The following ECPAS variants were observed in gnomAD, a reference collection of about 807,000 sequenced individuals.
The protein encoded by ECPAS is Ecm29 proteasome adaptor and scaffold.
ECPAS carries 70 observed loss-of-function variants against 255.1 expected under a neutral mutation model. The observed-to-expected ratio is 0.27, with a 90% CI of 0.23 to 0.33. The LOEUF (loss-of-function observed/expected upper bound fraction) is 0.33. Ranked by LOEUF, ECPAS falls within the 10% of genes least tolerant of loss-of-function variation. The pLI, the probability that ECPAS is intolerant of heterozygous loss-of-function variation, is 1.00. For missense variants in ECPAS, 1,817 were observed against 2,206.4 expected, an observed-to-expected ratio of 0.82 and a Z score of 3.54; for synonymous variants, 784 against 775.0, an observed-to-expected ratio of 1.01 and a Z score of -0.19.
rs559589768 is a variant in ECPAS, at chr9:111,447,177, T to G, written c.154-2683A>C. Among the ~76,000 whole-genome samples the G allele has an allele frequency of 7.2e-5, 11 of 151,940 alleles. No individual in the cohort carries two copies. The South Asian group carries it at 2.1e-3, about 29-fold the overall frequency. ...TCTCACTCTGTCACTCAGGGTGGAG[T>G]TCAGTGGCATTATCATAGCCAACTG... On this transcript the variant is annotated intron_variant, in intron 3 of 49. Coordinates refer to ENST00000684092, the MANE Select transcript of ECPAS (RefSeq NM_001364929.1).
intron 42 of ECPAS, 85 bp from the exon 43 acceptor site, chr9:111,371,914 C>A: frequency 9.3e-7 from 1 of 1,076,042 alleles, no homozygotes; most frequent in Non-Finnish European, 1.4e-6. Context: ...CAGTGACCAA[C>A]AGTCTAAAAG....
chr9:111,425,890 T>G lies in ECPAS; in HGVS notation c.1051-62A>C, dbSNP rs184712841. 1.4e-4 allele frequency: 117 copies of G among 822,728 alleles called. No individual in the cohort carries two copies. In the Middle Eastern group the frequency reaches 3.6e-3, roughly 25 times the overall value. 51.0% of individuals were successfully genotyped at this position (822,728 alleles called of 1,614,324 possible). A position where few individuals can be genotyped will look rare whatever the true frequency, so the allele number is the denominator to read the frequency against. On this transcript the variant is annotated intron_variant, in intron 10 of 49. Coordinates refer to ENST00000684092, the MANE Select transcript of ECPAS (RefSeq NM_001364929.1). The stretch of plus-strand genomic sequence containing the variant: ...AAAATAAGAATTTAATATTTTTGAA[T>G]AGTAATCAGAATTCAGCAGCAGACC...
chr9:111,422,338 A>C, intron 13 of ECPAS, 138 bp from the exon 14 acceptor site: 1 of 774,956 alleles, frequency 1.3e-6, no homozygotes, highest in Non-Finnish European at 2.1e-6. Flanking sequence ...AGAGCCAAAA[A>C]TTTTTCCAAG....
In ECPAS at chr9:111,451,565, A is replaced by T; in HGVS notation, c.23-10T>A. 6.5e-7 allele frequency: 1 copy of T among 1,528,018 alleles called. No individual in the cohort carries two copies. The highest frequency in any genetic ancestry group is 8.7e-7 in the Non-Finnish European group (1 of 1,144,608). The allele number at this position is 1,528,018 out of a possible 1,614,324, so 94.7% of individuals were successfully genotyped here. The stretch of plus-strand genomic sequence containing the variant: ...ACCCGTTCAAGCTGATCTATAATAT[A>T]AAAAGAAAAAAAGAGAGAACTTAGC... On this transcript the variant is annotated splice_polypyrimidine_tract_variant and intron_variant, in intron 2 of 49. Transcript: ENST00000684092.
intron 1 of ECPAS, chr9:111,483,851 G>C (rs2098310973): frequency 2.7e-6 from 1 of 364,830 alleles, no homozygotes; most frequent in Non-Finnish European, 3.8e-6. Context: ...GCGGCTCTGC[G>C]ACTCCGCGCC....
chr9:111,429,416 G>A (rs1279808683), intron 9 of ECPAS, among the ~76,000 whole-genome samples: 1 of 152,070 alleles, frequency 6.6e-6, no homozygotes, highest in African/African-American at 2.4e-5. Context: ...AAAAGAAAAG[G>A]CCTTCACAGA....
At chr9:111,367,235 CA>C (rs1358423710) in intron 46 of ECPAS, among the ~76,000 whole-genome samples, 2 of 152,076 alleles carry the variant, frequency 1.3e-5, no homozygotes, top group Admixed American at 6.6e-5. Flanking sequence ...AGGGCTCAAA[CA>C]AATGTAAAAA....
intron 15 of ECPAS, 101 bp from the exon 16 acceptor site, chr9:111,420,221 T>G: frequency 1.4e-6 from 1 of 696,654 alleles, no homozygotes; most frequent in Non-Finnish European, 2.5e-6. Flanking sequence ...TCTTCCTAAC[T>G]GTAAACAATT....
chr9:111,363,801 C>T lies in ECPAS; in HGVS notation c.5309-142G>A, dbSNP rs1205594297. 5 of 568,878 alleles carry T rather than the reference C, an allele frequency of 8.8e-6. No individual in the cohort carries two copies. In the Admixed American group the frequency reaches 1.8e-4, roughly 21 times the overall value. 35.2% of individuals were successfully genotyped at this position (568,878 alleles called of 1,614,324 possible). On this transcript the variant is annotated intron_variant, in intron 48 of 49. Transcript: ENST00000684092. ...TCTGATTTTTTTTTTTTAAAGGAAG[C>T]TTCCCTTTGCTAAGTATCAAATACT...
Position 111,468,665 on chromosome 9 carries a change from G to T in ECPAS, c.22+4232C>A, listed in dbSNP as rs141039393. 6.2e-3 allele frequency among the ~76,000 whole-genome samples: 842 copies of T among 136,666 alleles called. 4 individuals are homozygous for T. Among genetic ancestry groups the T allele is most frequent in the Middle Eastern group, 0.023 (6 of 264 alleles). 89.7% of individuals were successfully genotyped at this position (136,666 alleles called of 152,430 possible). On this transcript the variant is annotated intron_variant, in intron 2 of 49. Transcript: ENST00000684092. The stretch of plus-strand genomic sequence containing the variant: ...AGAGAGAGAGAGAGCGAGCGTGTGT[G>T]TGTGTTTCATGTCCAAGCTCAAACG...
chr9:111,362,032 A>ATTCCAGATT lies in ECPAS; in HGVS notation c.5509_5517dup (p.Asn1837_Glu1839dup), dbSNP rs1410772258. ...TGTTTGTTTCTTCCCCTTCTAATTT[A>ATTCCAGATT]TTCCAGATTTTCAAGTGTTTTCTTC... On this transcript the variant is annotated inframe_insertion, in exon 50 of 50. Coordinates refer to ENST00000684092, the MANE Select transcript of ECPAS (RefSeq NM_001364929.1). The ATTCCAGATT allele has an allele frequency of 6.2e-7, 1 of 1,611,982 alleles. No homozygotes were observed.
intron 39 of ECPAS, among the ~76,000 whole-genome samples, chr9:111,373,739 T>C (rs924952007): frequency 6.6e-6 from 1 of 152,194 alleles, no homozygotes; most frequent in Non-Finnish European, 1.5e-5. Context: ...TACTTTTACC[T>C]CCTTATACCA....
chr9:111,417,691 A>T (rs1589167868), intron 17 of ECPAS, among the ~76,000 whole-genome samples, 192 bp downstream of exon 17: 2 of 152,022 alleles, frequency 1.3e-5, no homozygotes, highest in South Asian at 4.1e-4. Context: ...GTTTGCAGTG[A>T]GCCAAGACCG....
At position 111,385,450 on chromosome 9, in the gene ECPAS, T is replaced by A; in HGVS notation, c.3528-8A>T. The A allele has an allele frequency of 7.0e-7, 1 of 1,438,708 alleles. No homozygotes were observed. The highest frequency in any genetic ancestry group is 9.5e-7 in the Non-Finnish European group (1 of 1,047,994). The allele number at this position is 1,438,708 out of a possible 1,614,324, so 89.1% of individuals were successfully genotyped here. On this transcript the variant is annotated splice_region_variant and splice_polypyrimidine_tract_variant and intron_variant, in intron 32 of 49. Transcript: ENST00000684092. ...TCATTCAAAGCTAAACAGCTGAAAA[T>A]CAAAATTTCATTTCAATATATGATG...
chr9:111,473,421 G>T (rs554937861), intron 1 of ECPAS, among the ~76,000 whole-genome samples: 2 of 152,198 alleles, frequency 1.3e-5, no homozygotes, highest in Admixed American at 1.3e-4. Flanking sequence ...ATATGAGAAC[G>T]CAAATGGCTG....
At position 111,437,086 on chromosome 9, in the gene ECPAS, T is replaced by A; in HGVS notation, c.562A>T (p.Ser188Cys). The A allele has an allele frequency of 1.2e-6, 2 of 1,606,392 alleles. No homozygotes were observed. The highest frequency in any genetic ancestry group is 1.7e-6 in the Non-Finnish European group (2 of 1,177,860). Residue 188 changes from serine to cysteine, a missense_variant, in exon 7 of 50, where the codon AGT becomes TGT. Transcript: ENST00000684092. ...TGTGCTGAAGATGAATTTTGGCGAC[T>A]CTGGGATTCATTTAACACGTAACTG... ...PYGYVLNESQ[S>C]RQNSSSAQGS...
At position 111,484,214 on chromosome 9, in the gene ECPAS, C is replaced by G. The variant is rs927090844; in HGVS notation, c.-181G>C. Reference sequence around the variant, plus strand: ...TTCGGCGGGCCGGGCCCCGGGGAGCCGCGCGCCGCAGTCCGTGAGGGGCTG... The same window carrying G: ...TTCGGCGGGCCGGGCCCCGGGGAGCGGCGCGCCGCAGTCCGTGAGGGGCTG... On this transcript the variant is annotated 5_prime_UTR_variant, in exon 1 of 50. Transcript: ENST00000684092. 5.0e-5 allele frequency: 74 copies of G among 1,470,436 alleles called. No individual in the cohort carries two copies. The highest frequency in any genetic ancestry group is 1.0e-4 in the Admixed American group (4 of 38,368). 91.1% of individuals were successfully genotyped at this position (1,470,436 alleles called of 1,614,324 possible).
chr9:111,373,343 C>G lies in ECPAS; in HGVS notation c.4241G>C (p.Cys1414Ser). The G allele has an allele frequency of 6.2e-7, 1 of 1,613,798 alleles. No homozygotes were observed. The highest frequency in any genetic ancestry group is 2.2e-5 in the East Asian group (1 of 44,850). Residue 1414 changes from cysteine to serine, a missense_variant, in exon 40 of 50, where the codon TGT becomes TCT. This residue lies in a region of ECPAS where 960 missense variants were observed against 1,179.0 expected (regional missense o/e 0.81). Transcript: ENST00000684092. ...TDRNSVIQKS[C>S]AFAMGHLVRT... ...AACTAAATGGCCCATAGCAAATGCA[C>G]AAGATTTCTGAATCACACTGTTCCG... is the stretch of plus-strand genomic sequence containing the variant.
At chr9:111,435,931 G>A (rs560279594) in intron 7 of ECPAS, among the ~76,000 whole-genome samples, 5 of 141,258 alleles carry the variant, frequency 3.5e-5, no homozygotes, top group Admixed American at 7.3e-5. Context: ...CTCATGATCC[G>A]CCCACTTTGG....
Sources: gnomAD v4.1 joint callset for allele counts (sites outside exome capture counted in the v4.1 genomes callset) on GRCh38, gnomAD v4.1.1 for gene constraint, gnomAD v4.1.1 regional missense constraint, MANE v1.5 for transcripts, NCBI Gene and HGNC (gene_info 2026-07-23, HGNC 2026-07-21) for gene names.